The following TLN2 variants were observed in gnomAD, a reference collection of about 807,000 sequenced individuals.
The protein encoded by TLN2 is talin-2.
Under a neutral mutation model 294.7 loss-of-function variants are expected in TLN2, and 118 were observed. The ratio of observed to expected loss-of-function variants is 0.40; its 90% CI spans 0.34 to 0.47. TLN2 has a LOEUF of 0.47. Ranked by LOEUF, TLN2 falls within the 20% of genes least tolerant of loss-of-function variation. The probability of loss-of-function intolerance (pLI) is 0.84; values close to 1 mark genes in which losing one functional copy is unlikely to be tolerated. For synonymous variants in TLN2, 1,431 were observed against 1,304.5 expected (o/e 1.10, Z -2.09); for missense variants, 3,083 against 3,282.2 (o/e 0.94, Z 1.48).
chr15:62,748,210 T>C, intron 32 of TLN2, 141 bp from the exon 33 acceptor site: 1 of 643,558 alleles, frequency 1.6e-6, no homozygotes, highest in Non-Finnish European at 2.7e-6. Flanking sequence ...TTTGGTTGTG[T>C]AGAGCCTCTG....
At chr15:62,526,194 A>G (rs1243563023) in intron 1 of TLN2, among the ~76,000 whole-genome samples, 2 of 152,138 alleles carry the variant, frequency 1.3e-5, no homozygotes, top group South Asian at 2.1e-4. Flanking sequence ...AAGTGGCGCA[A>G]TCTCGGCTCA....
intron 9 of TLN2, among the ~76,000 whole-genome samples, chr15:62,669,835 T>C (rs2055181825): frequency 6.6e-6 from 1 of 152,160 alleles, no homozygotes; most frequent in Admixed American, 6.5e-5. Context: ...ACGGCTGATT[T>C]ACTGGGGAAA....
intron 1 of TLN2, among the ~76,000 whole-genome samples, chr15:62,439,096 G>T (rs1430878022): frequency 6.6e-6 from 1 of 152,108 alleles, no homozygotes; most frequent in Admixed American, 6.6e-5. Flanking sequence ...GTATAATTAG[G>T]ATCAAGGATA....
At chr15:62,686,549 A>G (rs1426440258) in intron 11 of TLN2, 92 bp from the exon 12 acceptor site, 3 of 1,430,444 alleles carry the variant, frequency 2.1e-6, no homozygotes, top group Non-Finnish European at 2.8e-6. Flanking sequence ...AAGACAGTGT[A>G]TGCAGGTGAA....
intron 1 of TLN2, among the ~76,000 whole-genome samples, chr15:62,540,438 A>G (rs558630099): frequency 1.3e-5 from 2 of 151,872 alleles, no homozygotes; most frequent in South Asian, 2.1e-4. Flanking sequence ...CTAAGAACCA[A>G]TTACATAAAA....
chr15:62,486,724 A>T (rs1345925990), intron 1 of TLN2, among the ~76,000 whole-genome samples: 3 of 151,692 alleles, frequency 2.0e-5, no homozygotes, highest in Non-Finnish European at 2.9e-5. Context: ...TGCATAACAT[A>T]ATCTATCTGT....
chr15:62,708,470 A>C (rs748349281), intron 20 of TLN2, 32 bp from the exon 21 acceptor site: 1 of 1,600,958 alleles, frequency 6.2e-7, no homozygotes, highest in Non-Finnish European at 8.5e-7. Context: ...ATTCAACCAC[A>C]GTGCCCAAAA....
intron 45 of TLN2, chr15:62,784,891 A>G (rs530894476): frequency 3.9e-5 from 6 of 152,346 alleles, no homozygotes; most frequent in South Asian, 2.1e-4. Context: ...ACTGTCCCCA[A>G]GTTACTCAGT....
At chr15:62,604,524 T>TAAAA (rs35955277) in intron 2 of TLN2, among the ~76,000 whole-genome samples, 2 of 87,294 alleles carry the variant, frequency 2.3e-5, no homozygotes, top group Non-Finnish European at 4.3e-5. Context: ...GACCTTGTCT[T>TAAAA]AAAAAAAAAA....
chr15:62,591,218 A>G (rs12442774), intron 2 of TLN2, among the ~76,000 whole-genome samples: 9,827 of 152,252 alleles, frequency 0.065, 550 homozygotes, highest in East Asian at 0.2. Flanking sequence ...ATTTAGCATT[A>G]TGAAAATGCT....
chr15:62,793,672 G>A (rs1243305930), intron 46 of TLN2, among the ~76,000 whole-genome samples: 1 of 151,968 alleles, frequency 6.6e-6, no homozygotes, highest in Non-Finnish European at 1.5e-5. Flanking sequence ...TTCTCCCCCA[G>A]TATGCGAGTC....
At chr15:62,422,041 A>G (rs1208152267) in intron 1 of TLN2, among the ~76,000 whole-genome samples, 1 of 151,856 alleles carries the variant, frequency 6.6e-6, no homozygotes, top group Non-Finnish European at 1.5e-5. Context: ...CAGGTGGATC[A>G]CCTGAGGTCT....
chr15:62,561,766 G>A (rs1263983114), intron 1 of TLN2, among the ~76,000 whole-genome samples: 1 of 151,648 alleles, frequency 6.6e-6, no homozygotes, highest in South Asian at 2.1e-4. Flanking sequence ...TTCCCTTTCC[G>A]ACTCCCTGGG....
At chr15:62,588,122 T>C (rs935517710) in intron 1 of TLN2, among the ~76,000 whole-genome samples, 9 of 152,084 alleles carry the variant, frequency 5.9e-5, no homozygotes, top group African/African-American at 1.9e-4. Context: ...CCTCGTGATC[T>C]GCCCGCCTTC....
intron 1 of TLN2, among the ~76,000 whole-genome samples, chr15:62,531,960 G>A (rs2041063146): frequency 6.6e-6 from 1 of 152,078 alleles, no homozygotes; most frequent in Admixed American, 6.5e-5. Flanking sequence ...TCCCCCAAGT[G>A]GTGTGATCCA....
At chr15:62,435,846 T>G (rs2035263353) in intron 1 of TLN2, among the ~76,000 whole-genome samples, 1 of 152,222 alleles carries the variant, frequency 6.6e-6, no homozygotes, top group Admixed American at 6.5e-5. Context: ...CAGGCCTTGC[T>G]GTTTATGTAT....
intron 21 of TLN2, 45 bp from the exon 22 acceptor site, chr15:62,711,866 T>C (rs1394381267): frequency 6.4e-6 from 10 of 1,565,014 alleles, no homozygotes; most frequent in Non-Finnish European, 8.7e-6. Context: ...TTACTGACCT[T>C]TGAAAAGCAG....
chr15:62,729,023 T>C (rs2060580733), intron 28 of TLN2, among the ~76,000 whole-genome samples: 1 of 152,260 alleles, frequency 6.6e-6, no homozygotes. Context: ...GTTTTATTTA[T>C]GTGCAGTAGG....
intron 20 of TLN2, among the ~76,000 whole-genome samples, chr15:62,707,660 G>C (rs1237581337): frequency 1.3e-5 from 2 of 152,100 alleles, no homozygotes. Context: ...TTTAATTGTT[G>C]CCAGGGTATA....
Sources: allele counts gnomAD v4.1 joint callset (sites outside exome capture counted in the v4.1 genomes callset), GRCh38; gene constraint gnomAD v4.1.1; transcripts MANE v1.5; gene names NCBI Gene and HGNC (gene_info 2026-07-23, HGNC 2026-07-21).